Variants in HERC2 observed in about 807,000 individuals in gnomAD.
HERC2 encodes E3 ubiquitin-protein ligase HERC2.
Under a neutral mutation model 537.7 loss-of-function variants are expected in HERC2, and 102 were observed. The ratio of observed to expected loss-of-function variants is 0.19; its 90% CI spans 0.16 to 0.22. The LOEUF is 0.22. HERC2 is among the 10% of genes least tolerant of loss of function. The probability of loss-of-function intolerance (pLI) is 1.00; values close to 1 mark genes in which losing one functional copy is unlikely to be tolerated. For missense variants in HERC2, 4,236 were observed against 6,198.2 expected (o/e 0.68, Z 10.63); for synonymous variants, 2,224 against 2,466.2 (o/e 0.90, Z 2.91).
intron 19 of HERC2, among the ~76,000 whole-genome samples, chr15:28,255,100 A>C (rs1241104976): frequency 3.3e-5 from 5 of 152,122 alleles, no homozygotes; most frequent in East Asian, 1.9e-4. Context: ...CTTTGGGAGG[A>C]CAAGGTGGGG....
chr15:28,129,606 C>G (rs748623580), intron 83 of HERC2, among the ~76,000 whole-genome samples: 1 of 152,232 alleles, frequency 6.6e-6, no homozygotes, highest in African/African-American at 2.4e-5. Flanking sequence ...AAGCCTGCAG[C>G]AGGTCTGTCT....
intron 68 of HERC2, among the ~76,000 whole-genome samples, 193 bp downstream of exon 68, chr15:28,167,494 C>T (rs1014303969): frequency 5.9e-5 from 9 of 152,142 alleles, no homozygotes; most frequent in African/African-American, 1.9e-4. Flanking sequence ...AAGGAATACA[C>T]GTGGAAGCAG....
At position 28,220,569 on chromosome 15, in the gene HERC2, T is replaced by C. The variant is rs1210776836; in HGVS notation, c.5728A>G (p.Thr1910Ala). 6.2e-7 allele frequency: 1 copy of C among 1,601,876 alleles called. No homozygotes were observed. The highest frequency in any genetic ancestry group is 8.5e-7 in the Non-Finnish European group (1 of 1,179,798). Residue 1910 changes from threonine (T) to alanine (A), a missense_variant, in exon 37 of 93, where the codon ACA (threonine) becomes GCA (alanine). Coordinates refer to ENST00000261609, the MANE Select transcript of HERC2 (RefSeq NM_004667.6). ...EDGWIRVQWDTGSTNSYRMGK... is the reference protein window; with the variant it reads ...EDGWIRVQWDAGSTNSYRMGK... ...ATCCTGTAGGAGTTGGTGCTGCCTGTGTCCCACTGGACTCTTATCCATCCG... is the reference window on the plus strand; with the variant it reads ...ATCCTGTAGGAGTTGGTGCTGCCTGCGTCCCACTGGACTCTTATCCATCCG...
intron 66 of HERC2, 114 bp from the exon 67 acceptor site, chr15:28,168,704 C>G: frequency 1.2e-6 from 1 of 867,194 alleles, no homozygotes. Context: ...TTACTGAATA[C>G]ATGTAGAAGA....
chr15:28,282,547 T>C (rs1181451264), intron 4 of HERC2, among the ~76,000 whole-genome samples: 1 of 151,924 alleles, frequency 6.6e-6, no homozygotes, highest in Non-Finnish European at 1.5e-5. Flanking sequence ...AAAAGCTCAG[T>C]GAATGGACAC....
chr15:28,319,279 G>C (rs2077170948), intron 2 of HERC2, among the ~76,000 whole-genome samples: 1 of 152,264 alleles, frequency 6.6e-6, no homozygotes, highest in Non-Finnish European at 1.5e-5. Context: ...TTACTCCTAG[G>C]AGGAATTTAG....
chr15:28,257,803 C>T (rs1274939630), intron 16 of HERC2, among the ~76,000 whole-genome samples: 1 of 151,528 alleles, frequency 6.6e-6, no homozygotes, highest in African/African-American at 2.4e-5. Flanking sequence ...GCCTCAGCCT[C>T]CCAAGTAGCT....
intron 23 of HERC2, among the ~76,000 whole-genome samples, chr15:28,239,289 G>A (rs545498677): frequency 3.9e-5 from 6 of 152,054 alleles, no homozygotes; most frequent in Non-Finnish European, 8.8e-5. Context: ...CTTTAAATGT[G>A]TATATTAGAG....
chr15:28,182,547 A>T, intron 56 of HERC2, 35 bp from the exon 57 acceptor site: 7 of 1,475,200 alleles, frequency 4.7e-6, no homozygotes, highest in Non-Finnish European at 6.6e-6. Context: ...AAAAGAAAAG[A>T]GAGGTTATTC....
At chr15:28,112,697 A>C (rs115281054) in intron 92 of HERC2, among the ~76,000 whole-genome samples, 1 of 152,158 alleles carries the variant, frequency 6.6e-6, no homozygotes, top group African/African-American at 2.4e-5. Flanking sequence ...ACCCAAAGCA[A>C]AACCCTTGTT....
In HERC2 at chr15:28,250,294, G is replaced by A. The variant is rs558441082; in HGVS notation, c.3051-1558C>T. On this transcript the variant is annotated intron_variant, in intron 20 of 92. Transcript: ENST00000261609. ...CAACCCACAGGCCCTCATCACACACGGCAAGGATGCGCCCTCACTGGGCTC... is the reference window on the plus strand; with the variant it reads ...CAACCCACAGGCCCTCATCACACACAGCAAGGATGCGCCCTCACTGGGCTC... Among the ~76,000 whole-genome samples, 6 of 152,116 alleles carry A rather than the reference G, an allele frequency of 3.9e-5. No homozygotes were observed. In the South Asian group the frequency reaches 1.0e-3, roughly 26 times the overall value.
intron 2 of HERC2, among the ~76,000 whole-genome samples, chr15:28,310,326 T>A (rs2076907163): frequency 6.6e-6 from 1 of 151,950 alleles, no homozygotes; most frequent in South Asian, 2.1e-4. Context: ...GCGCCTGTAC[T>A]CCCAGCTACT....
intron 2 of HERC2, among the ~76,000 whole-genome samples, chr15:28,316,340 T>A (rs1300480790): frequency 6.6e-6 from 1 of 151,970 alleles, no homozygotes; most frequent in Non-Finnish European, 1.5e-5. Context: ...AGTTAAAAGT[T>A]AGTTCTTTAA....
intron 56 of HERC2, among the ~76,000 whole-genome samples, chr15:28,184,853 CT>C (rs746221689): frequency 2.0e-5 from 3 of 150,312 alleles, no homozygotes; most frequent in African/African-American, 4.9e-5. Flanking sequence ...CGGAGCAAGA[CT>C]CCGTCTCAAA....
chr15:28,154,028 A>G (rs1250316542), intron 69 of HERC2, among the ~76,000 whole-genome samples: 2 of 152,152 alleles, frequency 1.3e-5, no homozygotes, highest in African/African-American at 4.8e-5. Context: ...AACAATCCAC[A>G]GTGTTCTTAT....
chr15:28,201,534 C>T lies in HERC2; in HGVS notation c.7638G>A (p.Thr2546=), dbSNP rs1897907135. 28 of 1,612,302 alleles carry T rather than the reference C, an allele frequency of 1.7e-5. No homozygotes were observed. Among genetic ancestry groups the T allele is most frequent in the African/African-American group, 4.0e-5 (3 of 74,834 alleles). ...CTCGTTTTTTGTACGTCTGGCTCTCCGTCACAACAGCACCAGTAGACTGCA... is the reference window on the plus strand; with the variant it reads ...CTCGTTTTTTGTACGTCTGGCTCTCTGTCACAACAGCACCAGTAGACTGCA... ...AYSMSTGAVV[T]ESQTYKKRAD... is the part of the protein sequence containing the mutation. Residue 2546 remains threonine, a synonymous_variant, in exon 48 of 93, where the codon ACG becomes ACA. Transcript: ENST00000261609.
At chr15:28,218,717 T>A (rs1029543638) in intron 37 of HERC2, 46 bp from the exon 38 acceptor site, 1 of 1,439,416 alleles carries the variant, frequency 6.9e-7, no homozygotes. Flanking sequence ...CAAGTAAAAC[T>A]GGAAGATAGT....
intron 87 of HERC2, 58 bp from the exon 88 acceptor site, chr15:28,116,917 C>T (rs1191919451): frequency 6.2e-7 from 1 of 1,607,924 alleles, no homozygotes. Flanking sequence ...TAAAGAGAGC[C>T]CCAACGCTCC....
chr15:28,124,126 A>T lies in HERC2; in HGVS notation c.13099T>A (p.Phe4367Ile). The change falls in exon 85 of 93, where the codon TTC (phenylalanine) becomes ATC (isoleucine). Residue 4367 changes from phenylalanine to isoleucine, a missense_variant. By Grantham distance (21) the Phe-to-Ile change is conservative (BLOSUM62 0). Transcript: ENST00000261609. ...TCGTCGAGCGAGCCTTCCAGGTCGAACATGGGGATGCAGGGGCAGAAGAGC... is the reference window on the plus strand; with the variant it reads ...TCGTCGAGCGAGCCTTCCAGGTCGATCATGGGGATGCAGGGGCAGAAGAGC... ...SELFCPCIPM[F>I]DLEGSLDETG... 2.4e-5 allele frequency: 38 copies of T among 1,606,026 alleles called. No homozygotes were observed. The highest frequency in any genetic ancestry group is 3.1e-5 in the Non-Finnish European group (36 of 1,176,136).
Sources: allele counts gnomAD v4.1 joint callset (sites outside exome capture counted in the v4.1 genomes callset), GRCh38; gene constraint gnomAD v4.1.1; transcripts MANE v1.5; gene names NCBI Gene and HGNC (gene_info 2026-07-23, HGNC 2026-07-21).